TSHZ2: variants seen among roughly 807,000 people sequenced by gnomAD.
TSHZ2 encodes teashirt homolog 2.
A neutral mutation model predicts 74.4 loss-of-function variants in TSHZ2; 21 were observed. That is an observed-to-expected ratio of 0.28 (90% CI 0.20 to 0.41). The LOEUF (loss-of-function observed/expected upper bound fraction) is 0.41, where lower values mean the gene tolerates loss of function less well. TSHZ2 is among the 10% of genes least tolerant of loss of function. The pLI, the probability that TSHZ2 is intolerant of heterozygous loss-of-function variation, is 1.00. For synonymous variants in TSHZ2, 540 were observed against 515.3 expected, an observed-to-expected ratio of 1.05 and a Z score of -0.65; for missense variants, 1,244 against 1,293.5, an observed-to-expected ratio of 0.96 and a Z score of 0.59.
At chr20:53,081,725 C>T (rs1985541299) in intron 1 of TSHZ2, among the ~76,000 whole-genome samples, 1 of 152,130 alleles carries the variant, frequency 6.6e-6, no homozygotes, top group Non-Finnish European at 1.5e-5. Flanking sequence ...GTATTAGGTT[C>T]CTGCTTTTTT....
At chr20:53,167,545 T>TTTTG (rs1228855684) in intron 1 of TSHZ2, among the ~76,000 whole-genome samples, 5 of 152,156 alleles carry the variant, frequency 3.3e-5, no homozygotes, top group African/African-American at 9.6e-5. Context: ...GGGAGTAATG[T>TTTTG]TTTGTTTGTT....
intron 1 of TSHZ2, among the ~76,000 whole-genome samples, chr20:53,156,854 TAGGGGGA>T (rs1467700458): frequency 6.6e-6 from 1 of 152,150 alleles, no homozygotes; most frequent in Non-Finnish European, 1.5e-5. Flanking sequence ...TTTCTGTAGG[TAGGGGGA>T]AATAAGAGCT....
At chr20:53,343,732 G>A (rs1182331692) in intron 2 of TSHZ2, among the ~76,000 whole-genome samples, 2 of 152,140 alleles carry the variant, frequency 1.3e-5, no homozygotes, top group Non-Finnish European at 2.9e-5. Context: ...AGTAGCTCTC[G>A]CCACGAGGTG....
chr20:53,351,082 A>G (rs935961275), intron 2 of TSHZ2, among the ~76,000 whole-genome samples: 1 of 152,226 alleles, frequency 6.6e-6, no homozygotes, highest in Admixed American at 6.5e-5. Flanking sequence ...TTCAATTGCA[A>G]TTCGTTAGGA....
At chr20:53,426,302 T>C (rs1285352260) in intron 2 of TSHZ2, among the ~76,000 whole-genome samples, 3 of 152,174 alleles carry the variant, frequency 2.0e-5, no homozygotes, top group South Asian at 2.1e-4. Flanking sequence ...AAATTGAACA[T>C]GAAAAATAGG....
At chr20:53,247,000 C>T (rs1347794556) in intron 1 of TSHZ2, among the ~76,000 whole-genome samples, 3 of 152,190 alleles carry the variant, frequency 2.0e-5, no homozygotes, top group Admixed American at 6.5e-5. Flanking sequence ...AGAAACCTCC[C>T]CATTTATCTC....
At chr20:53,423,215 A>T (rs750068429) in intron 2 of TSHZ2, among the ~76,000 whole-genome samples, 1 of 152,176 alleles carries the variant, frequency 6.6e-6, no homozygotes, top group Non-Finnish European at 1.5e-5. Context: ...CCTGGCCAAC[A>T]TGGCAAAACC....
chr20:53,027,685 G>C (rs547541236), intron 1 of TSHZ2, among the ~76,000 whole-genome samples: 16 of 152,218 alleles, frequency 1.1e-4, no homozygotes, highest in African/African-American at 3.6e-4. Flanking sequence ...CTTGAGCCCA[G>C]GAGTTTGAAG....
At chr20:53,016,733 C>T (rs1239518925) in intron 1 of TSHZ2, among the ~76,000 whole-genome samples, 3 of 152,114 alleles carry the variant, frequency 2.0e-5, no homozygotes, top group Non-Finnish European at 2.9e-5. Flanking sequence ...TAACAAATAG[C>T]CCCTAAGTCA....
intron 1 of TSHZ2, among the ~76,000 whole-genome samples, chr20:53,087,037 G>GA (rs1244168420): frequency 7.9e-5 from 12 of 152,144 alleles, no homozygotes; most frequent in Non-Finnish European, 1.2e-4. Context: ...GCGGAGAAAG[G>GA]AACCTATGAG....
chr20:53,036,554 TA>T (rs1022066314), intron 1 of TSHZ2, among the ~76,000 whole-genome samples: 10 of 150,118 alleles, frequency 6.7e-5, no homozygotes, highest in Admixed American at 6.7e-4. Context: ...GAATTAGAAA[TA>T]AAAGAAGTTT....
intron 2 of TSHZ2, among the ~76,000 whole-genome samples, chr20:53,273,042 G>A (rs1990870674): frequency 6.6e-6 from 1 of 152,236 alleles, no homozygotes; most frequent in Admixed American, 6.5e-5. Flanking sequence ...TCCCAGGCAG[G>A]AGAAACAGGA....
chr20:53,412,338 G>A (rs274857), intron 2 of TSHZ2, among the ~76,000 whole-genome samples: 16,707 of 152,316 alleles, frequency 0.11, 1,049 homozygotes, highest in East Asian at 0.22. Flanking sequence ...CCTGGAGCAA[G>A]GCTACTGGTT....
Position 53,429,374 on chromosome 20 carries a change from A to G in TSHZ2, c.*9-57770A>G, listed in dbSNP as rs541376860. Among the ~76,000 whole-genome samples, 12 of 152,350 alleles carry G rather than the reference A, an allele frequency of 7.9e-5. 1 individual carries two copies. The South Asian group carries it at 2.5e-3, about 32-fold the overall frequency. On this transcript the variant is annotated intron_variant, in intron 2 of 2. Coordinates refer to ENST00000371497, the MANE Select transcript of TSHZ2 (RefSeq NM_173485.6). ...TGTCCCCACCCACATCTCACCCTGA[A>G]TTCCCACGTGTTGTGGGGGGAACCC... is the stretch of plus-strand genomic sequence containing the variant.
At chr20:53,330,787 C>G (rs1029873552) in intron 2 of TSHZ2, among the ~76,000 whole-genome samples, 2 of 152,166 alleles carry the variant, frequency 1.3e-5, no homozygotes, top group Non-Finnish European at 2.9e-5. Context: ...CCAAAGCAAG[C>G]GATTAAAGAG....
At chr20:53,012,044 T>A (rs552752984) in intron 1 of TSHZ2, among the ~76,000 whole-genome samples, 1 of 152,258 alleles carries the variant, frequency 6.6e-6, no homozygotes, top group East Asian at 1.9e-4. Flanking sequence ...ATCCACGATA[T>A]CTGGTTTCAA....
intron 1 of TSHZ2, among the ~76,000 whole-genome samples, chr20:53,050,156 C>T (rs9753629): frequency 0.076 from 9,494 of 125,536 alleles, 764 homozygotes; most frequent in African/African-American, 0.17. Flanking sequence ...TATATATACA[C>T]ATATATATGT....
intron 1 of TSHZ2, among the ~76,000 whole-genome samples, chr20:53,124,835 TG>T (rs1379436377): frequency 1.3e-5 from 2 of 151,978 alleles, no homozygotes; most frequent in Non-Finnish European, 2.9e-5. Context: ...AGCCAGGGAG[TG>T]GGCATAACAC....
chr20:53,008,416 A>C (rs2122988498), intron 1 of TSHZ2, among the ~76,000 whole-genome samples: 1 of 152,326 alleles, frequency 6.6e-6, no homozygotes, highest in East Asian at 1.9e-4. Flanking sequence ...GTTGAATAAA[A>C]CAGTGGGAGG....
Sources: allele counts gnomAD v4.1 joint callset (sites outside exome capture counted in the v4.1 genomes callset), GRCh38; gene constraint gnomAD v4.1.1; transcripts MANE v1.5; gene names NCBI Gene and HGNC (gene_info 2026-07-23, HGNC 2026-07-21).